Variants in ADK observed in about 807,000 individuals in gnomAD.
The protein encoded by ADK is adenosine kinase.
Under a neutral mutation model 44.7 loss-of-function variants are expected in ADK, and 24 were observed. That is an observed-to-expected ratio of 0.54 (90% CI 0.39 to 0.76). ADK has a LOEUF of 0.76. ADK is among the 30% of genes least tolerant of loss of function. The pLI is 0.00. For missense variants in ADK, 321 were observed against 425.1 expected, an observed-to-expected ratio of 0.76 and a Z score of 2.15; for synonymous variants, 128 against 142.6, an observed-to-expected ratio of 0.90 and a Z score of 0.73.
chr10:74,647,474 A>G (rs1275036563), intron 9 of ADK, among the ~76,000 whole-genome samples: 1 of 152,182 alleles, frequency 6.6e-6, no homozygotes, highest in Non-Finnish European at 1.5e-5. Flanking sequence ...AACTTGAAAA[A>G]GTTGGTCTAA....
chr10:74,201,668 G>C (rs1264038567), intron 2 of ADK, among the ~76,000 whole-genome samples: 27 of 124,082 alleles, frequency 2.2e-4, no homozygotes, highest in Non-Finnish European at 3.3e-4. Flanking sequence ...ATGTATGTAT[G>C]TATGTATGTA....
At chr10:74,356,002 A>ATATTGGTTTG (rs57958159) in intron 4 of ADK, among the ~76,000 whole-genome samples, 1 of 83,310 alleles carries the variant, frequency 1.2e-5, no homozygotes, top group Non-Finnish European at 2.2e-5. Flanking sequence ...TAAATAATTC[A>ATATTGGTTTG]TTTTTTTTTT....
chr10:74,511,365 A>T (rs1379573879), intron 6 of ADK, among the ~76,000 whole-genome samples: 1 of 152,192 alleles, frequency 6.6e-6, no homozygotes, highest in Admixed American at 6.5e-5. Flanking sequence ...GTTTCCATAC[A>T]AATTTTAGAA....
chr10:74,450,326 A>T (rs1366140677), intron 6 of ADK, among the ~76,000 whole-genome samples: 1 of 152,164 alleles, frequency 6.6e-6, no homozygotes, highest in East Asian at 1.9e-4. Context: ...AAAAGAATCA[A>T]TACAGCAATA....
intron 4 of ADK, among the ~76,000 whole-genome samples, chr10:74,387,539 C>T (rs1004294214): frequency 6.6e-6 from 1 of 152,138 alleles, no homozygotes; most frequent in Non-Finnish European, 1.5e-5. Flanking sequence ...CTGTATGACT[C>T]TTTTTTCTTT....
intron 7 of ADK, among the ~76,000 whole-genome samples, chr10:74,572,720 C>G (rs558137212): frequency 6.8e-4 from 104 of 152,192 alleles, no homozygotes; most frequent in African/African-American, 2.4e-3. Context: ...TCTTTTTTCT[C>G]TAAACTTCCC....
chr10:74,312,071 C>T (rs1176583337), intron 3 of ADK, among the ~76,000 whole-genome samples: 1 of 152,048 alleles, frequency 6.6e-6, no homozygotes, highest in Non-Finnish European at 1.5e-5. Context: ...GAGGCTGAGG[C>T]AGGAGAATCA....
chr10:74,701,852 G>A (rs1856428187), intron 10 of ADK, among the ~76,000 whole-genome samples: 1 of 152,170 alleles, frequency 6.6e-6, no homozygotes, highest in Non-Finnish European at 1.5e-5. Context: ...ACTGAGGCAG[G>A]AGAGTCACTT....
At chr10:74,161,894 G>T (rs762636084) in intron 1 of ADK, among the ~76,000 whole-genome samples, 13 of 151,810 alleles carry the variant, frequency 8.6e-5, no homozygotes, top group South Asian at 2.1e-4. Flanking sequence ...ATTTTCTTTT[G>T]TAGAAACAGG....
intron 10 of ADK, among the ~76,000 whole-genome samples, chr10:74,693,447 G>A (rs751593030): frequency 6.6e-6 from 1 of 152,098 alleles, no homozygotes; most frequent in Admixed American, 6.5e-5. Flanking sequence ...CTGCCTTAAG[G>A]TGCTATGGCT....
intron 3 of ADK, among the ~76,000 whole-genome samples, chr10:74,311,893 C>T (rs1840444146): frequency 6.6e-6 from 1 of 152,072 alleles, no homozygotes; most frequent in South Asian, 2.1e-4. Flanking sequence ...TTGGGCTGGG[C>T]ATGGTGGCTC....
At chr10:74,487,715 A>G (rs1847313974) in intron 6 of ADK, among the ~76,000 whole-genome samples, 2 of 152,160 alleles carry the variant, frequency 1.3e-5, no homozygotes, top group African/African-American at 4.8e-5. Context: ...TCAGCTTTCC[A>G]TCGGAGCTTT....
rs909306240 is a variant in ADK at position 74,176,712 on chromosome 10, G to C, written c.66-24052G>C. On this transcript the variant is annotated intron_variant, in intron 1 of 10. Coordinates refer to ENST00000539909, the MANE Select transcript of ADK (RefSeq NM_006721.4). ...GCCTTCCCTCCAATCAGCACGCCGG[G>C]CCGGCTAGCCAGGGGCCGCCCGCGC... 3 of 1,472,620 alleles carry C rather than the reference G, an allele frequency of 2.0e-6. No homozygotes were observed. The African/African-American group carries it at 4.2e-5, about 21-fold the overall frequency. The allele number at this position is 1,472,620 out of a possible 1,614,324, so 91.2% of individuals were successfully genotyped here.
intron 6 of ADK, among the ~76,000 whole-genome samples, chr10:74,523,827 A>G (rs1848932868): frequency 6.6e-6 from 1 of 152,144 alleles, no homozygotes; most frequent in African/African-American, 2.4e-5. Context: ...TACTCCTAAT[A>G]TGGTTTTCTT....
chr10:74,449,909 G>A (rs1191503074), intron 6 of ADK, among the ~76,000 whole-genome samples: 2 of 152,148 alleles, frequency 1.3e-5, no homozygotes, highest in African/African-American at 4.8e-5. Flanking sequence ...ATTAAGGAAT[G>A]AGCAAAAACG....
intron 10 of ADK, among the ~76,000 whole-genome samples, chr10:74,671,053 A>AAAAAAAAAAAAAAC (rs1235504959): frequency 6.6e-6 from 1 of 150,830 alleles, no homozygotes; most frequent in African/African-American, 2.4e-5. Flanking sequence ...AAAAAAAAAA[A>AAAAAAAAAAAAAAC]AAAGCAAGCA....
intron 9 of ADK, among the ~76,000 whole-genome samples, chr10:74,663,479 C>T (rs770538451): frequency 2.0e-5 from 3 of 151,626 alleles, no homozygotes; most frequent in African/African-American, 4.8e-5. Flanking sequence ...CTTTTTTGCT[C>T]CTAATCAAGT....
At chr10:74,680,226 A>C (rs906432115) in intron 10 of ADK, among the ~76,000 whole-genome samples, 11 of 151,520 alleles carry the variant, frequency 7.3e-5, no homozygotes, top group Non-Finnish European at 1.0e-4. Context: ...GAGGCAGGAG[A>C]ATGGCGTGAA....
chr10:74,230,905 C>T (rs1490446802), intron 3 of ADK, among the ~76,000 whole-genome samples: 3 of 152,180 alleles, frequency 2.0e-5, no homozygotes, highest in Admixed American at 2.0e-4. Context: ...TGGTCTCAAA[C>T]TCCTGACCTC....
Sources: allele counts gnomAD v4.1 joint callset (sites outside exome capture counted in the v4.1 genomes callset), GRCh38; gene constraint gnomAD v4.1.1; transcripts MANE v1.5; gene names NCBI Gene and HGNC (gene_info 2026-07-23, HGNC 2026-07-21).